ZNF777: variants seen among roughly 807,000 people sequenced by gnomAD.
ZNF777 encodes the protein zinc finger protein 777.
A neutral mutation model predicts 72.1 loss-of-function variants in ZNF777; 7 were observed. That is an observed-to-expected ratio of 0.10 (90% CI 0.06 to 0.18). The LOEUF (loss-of-function observed/expected upper bound fraction) is 0.18. Ranked by LOEUF, ZNF777 falls within the 10% of genes least tolerant of loss-of-function variation. The pLI is 1.00. For missense variants in ZNF777, 828 were observed against 1,128.6 expected (o/e 0.73, Z 3.82); for synonymous variants, 545 against 483.5 (o/e 1.13, Z -1.67).
intron 4 of ZNF777, among the ~76,000 whole-genome samples, chr7:149,443,238 C>T (rs939304690): frequency 4.0e-5 from 6 of 151,722 alleles, no homozygotes; most frequent in Admixed American, 2.0e-4. Context: ...TATATTCTGA[C>T]GTAAAAATGT....
rs1009466703 is a variant in ZNF777, at chr7:149,434,047, T to A, written c.1340-1115A>T. Among the ~76,000 whole-genome samples the A allele has an allele frequency of 7.2e-5, 11 of 152,318 alleles. No homozygotes were observed. In the East Asian group the frequency reaches 1.9e-3, roughly 27 times the overall value. On this transcript the variant is annotated intron_variant, in intron 5 of 5. Transcript: ENST00000247930. The stretch of plus-strand genomic sequence containing the variant: ...GAGTACTCATACCTGTCCTTTTTTT[T>A]TCATGAGCACAGTATCTTATTATAG...
intron 5 of ZNF777, among the ~76,000 whole-genome samples, chr7:149,435,281 C>T (rs1443925735): frequency 6.6e-6 from 1 of 152,076 alleles, no homozygotes; most frequent in Non-Finnish European, 1.5e-5. Context: ...ACCAATCCTC[C>T]CACCTCAGCC....
chr7:149,448,581 A>C (rs1799655833), intron 4 of ZNF777, among the ~76,000 whole-genome samples: 1 of 17,722 alleles, frequency 5.6e-5, no homozygotes, highest in African/African-American at 5.1e-4. Flanking sequence ...ACATATAACT[A>C]TATATATATA....
At chr7:149,448,621 A>C (rs1799660031) in intron 4 of ZNF777, among the ~76,000 whole-genome samples, 1 of 142,730 alleles carries the variant, frequency 7.0e-6, no homozygotes, top group African/African-American at 2.6e-5. Flanking sequence ...AGTAAAGAAT[A>C]CATATATATT....
intron 4 of ZNF777, among the ~76,000 whole-genome samples, chr7:149,438,484 T>G (rs1799455868): frequency 6.6e-6 from 1 of 152,222 alleles, no homozygotes; most frequent in Non-Finnish European, 1.5e-5. Context: ...ACACACATAT[T>G]CATTCATTCA....
At position 149,431,787 on chromosome 7, in the gene ZNF777, T is replaced by A. The variant is rs775621193; in HGVS notation, c.2485A>T (p.Thr829Ser). The A allele has an allele frequency of 1.5e-5, 24 of 1,592,056 alleles. No homozygotes were observed. Among genetic ancestry groups the A allele is most frequent in the Non-Finnish European group, 2.0e-5 (24 of 1,175,868 alleles). Residue 829 changes from threonine (T) to serine (S), a missense_variant, in exon 6 of 6, where the codon ACG (threonine) becomes TCG (serine). Thr to Ser is a moderately conservative substitution (Grantham distance 58, BLOSUM62 1). Around this residue, in one of 12 missense-constraint regions of ZNF777, gnomAD observed 17 missense variants for 36.1 expected, o/e 0.47. Transcript: ENST00000247930. ...QSLKYHLRTH[T>S]GE ...GGCGGGGCGCGCGCTCACTCGCCCG[T>A]GTGGGTCCGCAGGTGGTACTTGAGC...
rs755520729 is a variant in ZNF777 at position 149,432,598 on chromosome 7, C to G, written c.1674G>C (p.Lys558Asn). The change falls in exon 6 of 6, where the codon AAG becomes AAC. Residue 558 changes from lysine to asparagine, a missense_variant. Physicochemically the swap from Lys to Asn is moderately conservative, Grantham distance 94. This residue lies in a region of ZNF777 where 22 missense variants were observed against 48.3 expected (regional missense o/e 0.46). Coordinates refer to ENST00000247930, the MANE Select transcript of ZNF777 (RefSeq NM_015694.3). ...CMECGKSFRL[K>N]INLIIHQRNH... ...TGCGCTGGTGGATGATGAGGTTGATCTTCAGGCGGAAGCTCTTGCCGCACT... is the reference window on the plus strand; with the variant it reads ...TGCGCTGGTGGATGATGAGGTTGATGTTCAGGCGGAAGCTCTTGCCGCACT... 6.2e-7 allele frequency: 1 copy of G among 1,613,420 alleles called. No individual in the cohort carries two copies. Among genetic ancestry groups the G allele is most frequent in the Admixed American group, 1.7e-5 (1 of 59,970 alleles).
rs904845814 is a variant in ZNF777, at chr7:149,455,316, C to T, written c.707G>A (p.Ser236Asn). The T allele has an allele frequency of 1.1e-5, 18 of 1,614,114 alleles. No homozygotes were observed. Among genetic ancestry groups the T allele is most frequent in the African/African-American group, 4.0e-5 (3 of 74,936 alleles). ...CAGGGTCCCCAACACGACCCACTTG[C>T]TCTCCAGATGGTTCGCGAACTCCAC... ...TAVEFANHLESKWVVLGTLLQ... is the reference protein window; with the variant it reads ...TAVEFANHLENKWVVLGTLLQ... The change falls in exon 2 of 6, where the codon AGC becomes AAC. Residue 236 changes from serine (S) to asparagine (N), a missense_variant. Coordinates refer to ENST00000247930, the MANE Select transcript of ZNF777 (RefSeq NM_015694.3). This position sits in a 1 kb window ranked among gnomAD's most constrained non-coding sequence, Gnocchi z 4.2.
chr7:149,453,973 A>T, intron 3 of ZNF777, 138 bp downstream of exon 3: 1 of 1,333,150 alleles, frequency 7.5e-7, no homozygotes, highest in Non-Finnish European at 1.0e-6. Context: ...CGTTTGCTTT[A>T]ATTTGTTGTG....
chr7:149,450,344 C>CT, intron 4 of ZNF777, among the ~76,000 whole-genome samples: 1 of 152,294 alleles, frequency 6.6e-6, no homozygotes, highest in South Asian at 2.1e-4. Context: ...CTGCTATGTG[C>CT]CAATCACTGT....
At chr7:149,441,718 A>C (rs1231865068) in intron 4 of ZNF777, among the ~76,000 whole-genome samples, 1 of 152,228 alleles carries the variant, frequency 6.6e-6, no homozygotes, top group East Asian at 1.9e-4. Context: ...GTGAAGACTG[A>C]ATTTATTAGT....
intron 4 of ZNF777, among the ~76,000 whole-genome samples, chr7:149,439,853 A>G (rs946063036): frequency 5.3e-5 from 8 of 152,212 alleles, no homozygotes; most frequent in Non-Finnish European, 7.3e-5. Flanking sequence ...GAAAATAAAG[A>G]AACTTTGGGA....
rs570118877 is a variant in ZNF777, at chr7:149,448,090, T to C, written c.1087+2909A>G. ...ATTTATATTTGTACATCTTAATCTA[T>C]ATTTTGGATTCTTTTTCCTGCTAGA... On this transcript the variant is annotated intron_variant, in intron 4 of 5. Transcript: ENST00000247930. Among the ~76,000 whole-genome samples, 10 of 152,312 alleles carry C rather than the reference T, an allele frequency of 6.6e-5. No individual in the cohort carries two copies. The South Asian group carries it at 2.1e-3, about 32-fold the overall frequency.
chr7:149,431,663 C>CGGCAAAGGGGCTGGG lies in ZNF777; in HGVS notation c.*98_*112dup. On this transcript the variant is annotated 3_prime_UTR_variant, in exon 6 of 6. Transcript: ENST00000247930. ...GGGACGAGAGGAGAGGGGGAGCTCACGGCAAAGGGGCTGGGGGGCGCCCCG... is the reference window on the plus strand; with the variant it reads ...GGGACGAGAGGAGAGGGGGAGCTCACGGCAAAGGGGCTGGGGGCAAAGGGGCTGGGGGGCGCCCCG... The CGGCAAAGGGGCTGGG allele has an allele frequency of 9.6e-7, 1 of 1,040,504 alleles. No individual in the cohort carries two copies. The highest frequency in any genetic ancestry group is 1.6e-5 in the South Asian group (1 of 63,430). The allele number at this position is 1,040,504 out of a possible 1,614,324, so 64.5% of individuals were successfully genotyped here.
chr7:149,435,047 C>T (rs1315720325), intron 5 of ZNF777, among the ~76,000 whole-genome samples: 2 of 152,134 alleles, frequency 1.3e-5, no homozygotes, highest in Non-Finnish European at 2.9e-5. Context: ...ATGATGGTCC[C>T]AATTTAGCAT....
chr7:149,459,608 C>G, intron 1 of ZNF777: 1 of 982,354 alleles, frequency 1.0e-6, no homozygotes, highest in Non-Finnish European at 1.2e-6. Flanking sequence ...GGCCCGCAGC[C>G]CTCTGGGCAG....
chr7:149,440,609 C>CG (rs1799494473), intron 4 of ZNF777, among the ~76,000 whole-genome samples: 1 of 151,334 alleles, frequency 6.6e-6, no homozygotes, highest in Non-Finnish European at 1.5e-5. Flanking sequence ...CTTCCCATCT[C>CG]GGCCTCCCAC....
At chr7:149,447,726 T>A (rs1799629559) in intron 4 of ZNF777, among the ~76,000 whole-genome samples, 1 of 152,186 alleles carries the variant, frequency 6.6e-6, no homozygotes, top group South Asian at 2.1e-4. Context: ...AGTCTTCAGG[T>A]TTCCACTAGA....
intron 5 of ZNF777, among the ~76,000 whole-genome samples, chr7:149,435,755 A>AT (rs936630624): frequency 1.3e-4 from 20 of 151,206 alleles, no homozygotes; most frequent in South Asian, 4.2e-4. Context: ...CTCAATTCCT[A>AT]TTTTTTTTTC....
Sources: allele counts gnomAD v4.1 joint callset (sites outside exome capture counted in the v4.1 genomes callset), GRCh38; gene constraint gnomAD v4.1.1; regional missense constraint gnomAD v4.1.1; non-coding constraint Gnocchi (gnomAD v3.1); transcripts MANE v1.5; gene names NCBI Gene and HGNC (gene_info 2026-07-23, HGNC 2026-07-21).